DSC1: variants seen among roughly 807,000 people sequenced by gnomAD.
DSC1 encodes the protein desmocollin-1.
Under a neutral mutation model 98.8 loss-of-function variants are expected in DSC1, and 79 were observed. That is an observed-to-expected ratio of 0.80 (90% CI 0.67 to 0.96). The LOEUF is 0.96. Among genes scored for constraint, DSC1 ranks in the 50% least tolerant of loss-of-function variants. The probability of loss-of-function intolerance (pLI) is 0.00; values close to 1 mark genes in which losing one functional copy is unlikely to be tolerated. For missense variants in DSC1, 1,115 were observed against 1,075.9 expected, an observed-to-expected ratio of 1.04 and a Z score of -0.51; for synonymous variants, 405 against 372.1, an observed-to-expected ratio of 1.09 and a Z score of -1.02.
In DSC1 at chr18:31,142,158, T is replaced by A; in HGVS notation, c.1101A>T (p.Arg367Ser). 6.2e-7 allele frequency: 1 copy of A among 1,612,550 alleles called. No individual in the cohort carries two copies. The highest frequency in any genetic ancestry group is 1.7e-5 in the Admixed American group (1 of 59,584). Residue 367 changes from arginine to serine, a missense_variant, in exon 9 of 16, where the codon AGA becomes AGT. By Grantham distance (110) the Arg-to-Ser change is moderately radical (BLOSUM62 -1). Coordinates refer to ENST00000257198, the MANE Select transcript of DSC1 (RefSeq NM_024421.2). Reference protein sequence around the residue: ...TSYVTEVEENRIDVEILRMKV... With the variant: ...TSYVTEVEENSIDVEILRMKV... ...TCATTCGTAAAATCTCCACGTCAAT[T>A]CTGTTTTCTTCTACTTCTGTAACAT...
intron 14 of DSC1, 96 bp downstream of exon 14, chr18:31,132,472 A>G: frequency 6.6e-7 from 1 of 1,517,988 alleles, no homozygotes; most frequent in Non-Finnish European, 8.9e-7. Context: ...GTAAGTGCTC[A>G]ATAAACATTA....
chr18:31,150,183 T>C (rs111211323), intron 5 of DSC1, among the ~76,000 whole-genome samples: 13 of 113,690 alleles, frequency 1.1e-4, no homozygotes, highest in East Asian at 6.6e-4. Context: ...ACCACTACCA[T>C]CACCACCATC....
chr18:31,147,193 G>A (rs113718278), intron 6 of DSC1, among the ~76,000 whole-genome samples: 8 of 151,912 alleles, frequency 5.3e-5, no homozygotes, highest in African/African-American at 1.9e-4. Flanking sequence ...GCCAAAAAAG[G>A]CAATGTATAT....
At chr18:31,141,953 G>A (rs762913267) in intron 9 of DSC1, 46 bp downstream of exon 9, 3 of 1,540,846 alleles carry the variant, frequency 1.9e-6, no homozygotes, top group Non-Finnish European at 2.6e-6. Context: ...ATCAGTGCGT[G>A]AGTTAGGATA....
rs1407616650 is a variant in DSC1 at position 31,143,601 on chromosome 18, C to A, written c.1074+56G>T. On this transcript the variant is annotated intron_variant, in intron 8 of 15. Transcript: ENST00000257198. ...TCTCACAGAGCTACCAAATTCTAGA[C>A]ATGTTTTTTGAAAAAGTAGATAAAT... 5.1e-6 allele frequency: 7 copies of A among 1,371,508 alleles called. No individual in the cohort carries two copies. In the South Asian group the frequency reaches 9.5e-5, roughly 19 times the overall value. 85.0% of individuals were successfully genotyped at this position (1,371,508 alleles called of 1,614,324 possible).
Position 31,142,274 on chromosome 18 carries a change from T to C in DSC1, c.1075-90A>G, listed in dbSNP as rs566281071. 1.1e-4 allele frequency: 152 copies of C among 1,389,670 alleles called. No individual in the cohort carries two copies. The African/African-American group carries it at 2.1e-3, about 19-fold the overall frequency. 86.1% of individuals were successfully genotyped at this position (1,389,670 alleles called of 1,614,324 possible). On this transcript the variant is annotated intron_variant, in intron 8 of 15. Transcript: ENST00000257198. ...ACACGTATTTAAAGAAAAAAATAAA[T>C]AAAGTGATGTGAAAAGCTGCCCTCA...
chr18:31,150,440 C>CCACTACCGCTATTACCAT (rs796649219), intron 5 of DSC1, among the ~76,000 whole-genome samples: 1 of 8,992 alleles, frequency 1.1e-4, no homozygotes. Flanking sequence ...ATTACCATCA[C>CCACTACCGCTATTACCAT]CACCACTACC....
intron 5 of DSC1, among the ~76,000 whole-genome samples, 159 bp downstream of exon 5, chr18:31,154,615 A>G (rs910124440): frequency 1.3e-5 from 2 of 152,122 alleles, no homozygotes; most frequent in African/African-American, 4.8e-5. Flanking sequence ...GTTTTTCCCC[A>G]TCAATGGTGA....
At chr18:31,159,424 A>C in intron 2 of DSC1, 21 bp downstream of exon 2, 3 of 1,606,678 alleles carry the variant, frequency 1.9e-6, no homozygotes, top group Non-Finnish European at 2.6e-6. Flanking sequence ...CAGCTATGAA[A>C]CTGTTAATAG....
Position 31,156,309 on chromosome 18 carries a change from A to T in DSC1, c.352-147T>A, listed in dbSNP as rs962104213. ...AGCAAAGCATTTCTATTGATAAAACACACACACACACCTCAGACTACATTA... is the reference window on the plus strand; with the variant it reads ...AGCAAAGCATTTCTATTGATAAAACTCACACACACACCTCAGACTACATTA... On this transcript the variant is annotated intron_variant, in intron 3 of 15. Coordinates refer to ENST00000257198, the MANE Select transcript of DSC1 (RefSeq NM_024421.2). The T allele has an allele frequency of 6.7e-5, 60 of 891,690 alleles. No individual in the cohort carries two copies. The South Asian group carries it at 1.0e-3, about 15-fold the overall frequency. 55.2% of individuals were successfully genotyped at this position (891,690 alleles called of 1,614,324 possible). A position where few individuals can be genotyped will look rare whatever the true frequency, so the allele number is the denominator to read the frequency against.
intron 5 of DSC1, among the ~76,000 whole-genome samples, chr18:31,150,422 C>CACCA (rs1988973945): frequency 1.1e-5 from 1 of 91,788 alleles, no homozygotes. Context: ...ATCATCACTG[C>CACCA]TACCACTATT....
In DSC1 at chr18:31,157,418, G is replaced by C; in HGVS notation, c.304C>G (p.Arg102Gly). 1 of 1,614,098 alleles carries C rather than the reference G, an allele frequency of 6.2e-7. No individual in the cohort carries two copies. The highest frequency in any genetic ancestry group is 8.5e-7 in the Non-Finnish European group (1 of 1,180,010). ...ACAACTTTTATCTCTTGTTGTTCCC[G>C]TCTCTGACCATCTGAAAGGAAAATG... Reference protein sequence around the residue: ...FSIFLSDGQRREQQEIKVVLS... With the variant: ...FSIFLSDGQRGEQQEIKVVLS... Residue 102 changes from arginine (R) to glycine (G), a missense_variant, in exon 3 of 16, where the codon CGG becomes GGG. By Grantham distance (125) the Arg-to-Gly change is moderately radical. Coordinates refer to ENST00000257198, the MANE Select transcript of DSC1 (RefSeq NM_024421.2).
chr18:31,141,950 C>A, intron 9 of DSC1, 49 bp downstream of exon 9: 1 of 1,528,316 alleles, frequency 6.5e-7, no homozygotes, highest in Non-Finnish European at 8.8e-7. Flanking sequence ...AAAATCAGTG[C>A]GTGAGTTAGG....
intron 5 of DSC1, among the ~76,000 whole-genome samples, chr18:31,150,461 T>TCA (rs1988977455): frequency 1.2e-5 from 1 of 85,384 alleles, no homozygotes; most frequent in African/African-American, 4.6e-5. Flanking sequence ...ACCACCACCA[T>TCA]CATCATCACC....
chr18:31,159,492 TA>T lies in DSC1; in HGVS notation c.100del (p.Tyr34IlefsTer14). ...CTGAAGATGAGAAGGAACTCGAAGA[TA>T]AACTTTCTGACAAGCATCGCAAAGT... is the stretch of plus-strand genomic sequence containing the variant. ...TLLCDACQKV[Y>X]LRVPSHLQAE... On this transcript the variant is annotated frameshift_variant, in exon 2 of 16. Transcript: ENST00000257198. LOFTEE classifies it high-confidence loss of function. 2 of 1,601,710 alleles carry T rather than the reference TA, an allele frequency of 1.2e-6. No individual in the cohort carries two copies. The highest frequency in any genetic ancestry group is 1.7e-6 in the Non-Finnish European group (2 of 1,176,404).
intron 5 of DSC1, among the ~76,000 whole-genome samples, chr18:31,150,629 A>G (rs1218906141): frequency 6.6e-6 from 1 of 151,996 alleles, no homozygotes; most frequent in Non-Finnish European, 1.5e-5. Flanking sequence ...CTGTCACATC[A>G]TCATTATCAT....
At position 31,148,547 on chromosome 18, in the gene DSC1, A is replaced by T; in HGVS notation, c.723T>A (p.Tyr241Ter). 6.2e-7 allele frequency: 1 copy of T among 1,612,112 alleles called. No homozygotes were observed. The highest frequency in any genetic ancestry group is 1.3e-5 in the African/African-American group (1 of 75,030). The change falls in exon 6 of 16, where the codon TAT (tyrosine) becomes TAA (stop). Residue 241 changes from tyrosine to a stop codon, truncating the protein, a stop_gained. Coordinates refer to ENST00000257198, the MANE Select transcript of DSC1 (RefSeq NM_024421.2). LOFTEE classifies it high-confidence loss of function. ...KIEDDNDNAP[Y>*]FEHRVTIFTV... The stretch of plus-strand genomic sequence containing the variant: ...TAAAGATAGTCACTCTGTGTTCAAA[A>T]TATGGGGCGTTATCATTATCATCTT...
In DSC1 at chr18:31,132,658, A is replaced by C. The variant is rs1231473544; in HGVS notation, c.2148T>G (p.Ala716=). The change falls in exon 14 of 16, where the codon GCT becomes GCG. Residue 716 remains alanine (A), a synonymous_variant. Coordinates refer to ENST00000257198, the MANE Select transcript of DSC1 (RefSeq NM_024421.2). ...CILFTCFCVT[A]KRTVKKCFPE... ...GAAAACATTTCTTGACTGTTCTCTTAGCAGTGACACAGAAACATGTAAACA... is the reference window on the plus strand; with the variant it reads ...GAAAACATTTCTTGACTGTTCTCTTCGCAGTGACACAGAAACATGTAAACA... The C allele has an allele frequency of 1.2e-6, 2 of 1,613,274 alleles. No individual in the cohort carries two copies. Among genetic ancestry groups the C allele is most frequent in the African/African-American group, 2.7e-5 (2 of 74,880 alleles).
In DSC1 at chr18:31,145,728, A is replaced by G. The variant is rs755010327; in HGVS notation, c.822T>C (p.Thr274=). 8.1e-6 allele frequency: 13 copies of G among 1,614,022 alleles called. No homozygotes were observed. In the South Asian group the frequency reaches 1.4e-4, roughly 18 times the overall value. Residue 274 remains threonine (T), a synonymous_variant, in exon 7 of 16, where the codon ACT becomes ACC. Coordinates refer to ENST00000257198, the MANE Select transcript of DSC1 (RefSeq NM_024421.2). ...VTATDLDEPD[T]LHTRLKYKIL... Reference sequence around the variant, plus strand: ...TTTTATATTTCAGACGAGTATGGAGAGTGTCAGGTTCGTCAAGGTCTGTGG... The same window carrying G: ...TTTTATATTTCAGACGAGTATGGAGGGTGTCAGGTTCGTCAAGGTCTGTGG...
Sources: allele counts gnomAD v4.1 joint callset (sites outside exome capture counted in the v4.1 genomes callset), GRCh38; gene constraint gnomAD v4.1.1; transcripts MANE v1.5; gene names NCBI Gene and HGNC (gene_info 2026-07-23, HGNC 2026-07-21).